Variants in CDH12 observed in about 807,000 individuals in gnomAD.
CDH12 encodes the protein cadherin 12, also known as cadherin-12.
In CDH12, 41 loss-of-function variants were observed where a neutral mutation model predicts 74.1. The observed-to-expected ratio is 0.55, with a 90% CI of 0.43 to 0.72. CDH12 has a LOEUF of 0.72. CDH12 is among the 30% of genes least tolerant of loss of function. The probability of loss-of-function intolerance (pLI) is 0.00; values close to 1 mark genes in which losing one functional copy is unlikely to be tolerated. For missense variants in CDH12, 945 were observed against 977.2 expected (o/e 0.97, Z 0.44); for synonymous variants, 399 against 355.0 (o/e 1.12, Z -1.39).
chr5:22,805,164 T>G (rs1227575639), intron 1 of CDH12, among the ~76,000 whole-genome samples: 1 of 152,152 alleles, frequency 6.6e-6, no homozygotes, highest in Non-Finnish European at 1.5e-5. Context: ...TATATACTGT[T>G]TTATATCATT....
At chr5:22,276,722 T>C (rs868258860) in intron 3 of CDH12, among the ~76,000 whole-genome samples, 3 of 152,364 alleles carry the variant, frequency 2.0e-5, no homozygotes, top group Middle Eastern at 6.8e-3. Flanking sequence ...TGTCTCATTC[T>C]GTGGCCCAGG....
At chr5:22,255,859 A>G (rs966923691) in intron 3 of CDH12, among the ~76,000 whole-genome samples, 14 of 152,178 alleles carry the variant, frequency 9.2e-5, no homozygotes, top group African/African-American at 3.4e-4. Flanking sequence ...GAATGGTTAA[A>G]TGTCAGAATG....
chr5:22,574,945 C>T (rs951338286), intron 1 of CDH12, among the ~76,000 whole-genome samples: 1 of 152,184 alleles, frequency 6.6e-6, no homozygotes, highest in African/African-American at 2.4e-5. Context: ...CAGAGAAAAG[C>T]ACTCAATGCA....
intron 3 of CDH12, among the ~76,000 whole-genome samples, chr5:22,320,956 G>A (rs79515497): frequency 1.2e-3 from 176 of 152,054 alleles, no homozygotes; most frequent in African/African-American, 4.2e-3. Context: ...ATTATGAGAG[G>A]GCAAGGTAAT....
intron 1 of CDH12, among the ~76,000 whole-genome samples, chr5:22,621,542 T>C (rs1308999715): frequency 6.6e-6 from 1 of 152,040 alleles, no homozygotes; most frequent in African/African-American, 2.4e-5. Context: ...GTAAAAAATA[T>C]TATAAAAGAA....
chr5:22,828,640 T>C (rs964537262), intron 1 of CDH12, among the ~76,000 whole-genome samples: 9 of 152,168 alleles, frequency 5.9e-5, no homozygotes, highest in Non-Finnish European at 1.2e-4. Flanking sequence ...ATTAAACTAA[T>C]GTGACCCAAG....
intron 3 of CDH12, among the ~76,000 whole-genome samples, chr5:22,361,286 A>G (rs1050531043): frequency 6.6e-6 from 1 of 152,180 alleles, no homozygotes; most frequent in East Asian, 1.9e-4. Flanking sequence ...TACACTAATA[A>G]CAGACAAACA....
At chr5:22,487,386 G>C (rs1008209759) in intron 2 of CDH12, among the ~76,000 whole-genome samples, 1 of 151,950 alleles carries the variant, frequency 6.6e-6, no homozygotes, top group African/African-American at 2.4e-5. Flanking sequence ...TAAAAAACAG[G>C]GATAAAATGT....
chr5:22,772,431 A>G (rs1367256081), intron 1 of CDH12, among the ~76,000 whole-genome samples: 1 of 152,122 alleles, frequency 6.6e-6, no homozygotes, highest in Non-Finnish European at 1.5e-5. Flanking sequence ...GTGAACTACC[A>G]GACACCAAGG....
chr5:22,500,173 A>G (rs1019404675), intron 2 of CDH12, among the ~76,000 whole-genome samples: 1 of 152,178 alleles, frequency 6.6e-6, no homozygotes, highest in Non-Finnish European at 1.5e-5. Flanking sequence ...TTCTATCTTC[A>G]ACACAAAATG....
At chr5:22,729,093 G>A (rs1744303985) in intron 1 of CDH12, among the ~76,000 whole-genome samples, 1 of 151,754 alleles carries the variant, frequency 6.6e-6, no homozygotes, top group South Asian at 2.1e-4. Flanking sequence ...AACAACAATT[G>A]ATCCCAAACT....
chr5:22,401,982 A>G (rs772752301), intron 3 of CDH12, among the ~76,000 whole-genome samples: 2 of 152,222 alleles, frequency 1.3e-5, no homozygotes, highest in Non-Finnish European at 2.9e-5. Context: ...AAAGGGAACC[A>G]GTCCGGCTAA....
chr5:22,529,160 C>T (rs1737442531), intron 1 of CDH12, among the ~76,000 whole-genome samples: 1 of 123,108 alleles, frequency 8.1e-6, no homozygotes, highest in Non-Finnish European at 1.7e-5. Context: ...TATATATACA[C>T]ATGTGTATAT....
chr5:21,827,406 TAGG>T (rs1748739593), intron 8 of CDH12, among the ~76,000 whole-genome samples: 1 of 152,046 alleles, frequency 6.6e-6, no homozygotes, highest in South Asian at 2.1e-4. Context: ...AAAAGGTCAT[TAGG>T]AGATGTGACA....
At chr5:22,255,000 T>G (rs764971690) in intron 3 of CDH12, among the ~76,000 whole-genome samples, 2 of 151,920 alleles carry the variant, frequency 1.3e-5, no homozygotes, top group Non-Finnish European at 2.9e-5. Context: ...CTAACTGTAT[T>G]TTTGTACCCA....
chr5:22,391,548 A>AT, intron 3 of CDH12, among the ~76,000 whole-genome samples: 1 of 152,162 alleles, frequency 6.6e-6, no homozygotes, highest in African/African-American at 2.4e-5. Flanking sequence ...TTGCCTAGTC[A>AT]TTTTTTATGC....
At chr5:22,574,257 T>A (rs1739674715) in intron 1 of CDH12, among the ~76,000 whole-genome samples, 1 of 151,874 alleles carries the variant, frequency 6.6e-6, no homozygotes, top group Admixed American at 6.6e-5. Context: ...TTTTTGTATT[T>A]CTAGTAGAGA....
At chr5:21,958,439 A>G (rs1756197550) in intron 6 of CDH12, among the ~76,000 whole-genome samples, 1 of 152,122 alleles carries the variant, frequency 6.6e-6, no homozygotes, top group Admixed American at 6.5e-5. Context: ...TTTGCATTTA[A>G]GTGTTTAATC....
intron 8 of CDH12, among the ~76,000 whole-genome samples, chr5:21,841,838 T>C (rs1561233215): frequency 8.0e-6 from 1 of 124,768 alleles, no homozygotes; most frequent in Admixed American, 1.1e-4. Context: ...AAGGGGAACA[T>C]CACACTCTGG....
Sources: gnomAD v4.1 joint callset for allele counts (sites outside exome capture counted in the v4.1 genomes callset) on GRCh38, gnomAD v4.1.1 for gene constraint, MANE v1.5 for transcripts, NCBI Gene and HGNC (gene_info 2026-07-23, HGNC 2026-07-21) for gene names.